ERBB4: variants seen among roughly 807,000 people sequenced by gnomAD.
ERBB4 encodes the protein receptor tyrosine-protein kinase erbB-4.
Under a neutral mutation model 158.0 loss-of-function variants are expected in ERBB4, and 42 were observed. That is an observed-to-expected ratio of 0.27 (90% CI 0.21 to 0.34). ERBB4 has a LOEUF of 0.34. ERBB4 is among the 10% of genes least tolerant of loss of function. The pLI, the probability that ERBB4 is intolerant of heterozygous loss-of-function variation, is 1.00. For synonymous variants in ERBB4, 583 were observed against 558.7 expected, an observed-to-expected ratio of 1.04 and a Z score of -0.61; for missense variants, 1,333 against 1,624.1, an observed-to-expected ratio of 0.82 and a Z score of 3.08.
intron 1 of ERBB4, among the ~76,000 whole-genome samples, chr2:212,171,238 CTA>C (rs1282444299): frequency 1.3e-5 from 2 of 152,060 alleles, no homozygotes; most frequent in African/African-American, 4.8e-5. Flanking sequence ...CCTGTATCCC[CTA>C]TGTTTTGGCC....
chr2:212,248,324 T>C (rs2106038662), intron 1 of ERBB4, among the ~76,000 whole-genome samples: 1 of 152,290 alleles, frequency 6.6e-6, no homozygotes, highest in South Asian at 2.1e-4. Flanking sequence ...GCACCTAATA[T>C]GCCTTTTCCT....
chr2:211,955,443 T>C lies in ERBB4; in HGVS notation c.235-7827A>G, dbSNP rs574522740. 1.0e-3 allele frequency among the ~76,000 whole-genome samples: 158 copies of C among 152,078 alleles called. 1 individual carries two copies. The highest frequency in any genetic ancestry group is 2.0e-3 in the Non-Finnish European group (137 of 68,000). On this transcript the variant is annotated intron_variant, in intron 2 of 27. Coordinates refer to ENST00000342788, the MANE Select transcript of ERBB4 (RefSeq NM_005235.3). ...CCCCTTCAGATCTCTACATTCCCAA[T>C]TGATTCTTCATCTCCTGACCTTATC...
At chr2:211,590,178 G>A (rs2068417014) in intron 19 of ERBB4, among the ~76,000 whole-genome samples, 1 of 151,554 alleles carries the variant, frequency 6.6e-6, no homozygotes, top group South Asian at 2.1e-4. Context: ...AGTGAAAGAG[G>A]TCCAACTTAA....
intron 1 of ERBB4, 58 bp from the exon 2 acceptor site, chr2:212,124,961 G>T (rs1242188291): frequency 2.7e-5 from 43 of 1,571,570 alleles, no homozygotes; most frequent in Non-Finnish European, 3.7e-5. Flanking sequence ...TATGCGCAAT[G>T]ATAATATCTT....
At chr2:212,425,281 CAG>C (rs1341759524) in intron 1 of ERBB4, among the ~76,000 whole-genome samples, 1 of 145,564 alleles carries the variant, frequency 6.9e-6, no homozygotes, top group Non-Finnish European at 1.5e-5. Flanking sequence ...TAATAAATAA[CAG>C]ATATATATTT....
intron 2 of ERBB4, among the ~76,000 whole-genome samples, chr2:211,967,569 C>G (rs1243241881): frequency 6.6e-6 from 1 of 151,914 alleles, no homozygotes; most frequent in East Asian, 1.9e-4. Context: ...AGAATGATGA[C>G]TTTAATAAAA....
intron 1 of ERBB4, among the ~76,000 whole-genome samples, chr2:212,384,717 T>C (rs2090616826): frequency 1.3e-5 from 2 of 151,494 alleles, no homozygotes; most frequent in Non-Finnish European, 3.0e-5. Flanking sequence ...ACAGCATTCA[T>C]TTTCACCATT....
At chr2:212,206,047 G>T (rs1171303834) in intron 1 of ERBB4, among the ~76,000 whole-genome samples, 4 of 152,132 alleles carry the variant, frequency 2.6e-5, no homozygotes, top group African/African-American at 9.7e-5. Flanking sequence ...TAGTGGTTCT[G>T]ATTTCTCATA....
chr2:212,056,619 A>G (rs1014090708), intron 2 of ERBB4, among the ~76,000 whole-genome samples: 1 of 152,202 alleles, frequency 6.6e-6, no homozygotes, highest in Non-Finnish European at 1.5e-5. Context: ...GTGGAGACCA[A>G]TATTCAACAT....
At chr2:212,359,590 C>G (rs1225771905) in intron 1 of ERBB4, among the ~76,000 whole-genome samples, 1 of 151,678 alleles carries the variant, frequency 6.6e-6, no homozygotes, top group Non-Finnish European at 1.5e-5. Context: ...CTTAAGAGTT[C>G]TAGCTGCTGT....
intron 2 of ERBB4, among the ~76,000 whole-genome samples, chr2:212,009,929 T>C (rs959221151): frequency 2.6e-5 from 4 of 152,200 alleles, no homozygotes; most frequent in African/African-American, 7.2e-5. Context: ...CCTTGAGCCA[T>C]ATCTGTATTC....
intron 7 of ERBB4, among the ~76,000 whole-genome samples, chr2:211,718,330 C>A (rs898165221): frequency 6.6e-6 from 1 of 152,222 alleles, no homozygotes; most frequent in Non-Finnish European, 1.5e-5. Context: ...CCACTCTAAT[C>A]CCATGTCCCT....
In ERBB4 at chr2:211,382,714, A is replaced by G. The variant is rs536182808; in HGVS notation, c.*901T>C. 7.2e-4 allele frequency: 168 copies of G among 232,608 alleles called. 1 individual carries two copies. Among genetic ancestry groups the G allele is most frequent in the African/African-American group, 3.5e-3 (158 of 45,428 alleles). 14.4% of individuals were successfully genotyped at this position (232,608 alleles called of 1,614,324 possible). On this transcript the variant is annotated 3_prime_UTR_variant, in exon 28 of 28. Coordinates refer to ENST00000342788, the MANE Select transcript of ERBB4 (RefSeq NM_005235.3). ...AACCAACGGCCTATCAAGTAGTGTC[A>G]TTTATGGAGAAAAAAAAATGTTGAA... is the stretch of plus-strand genomic sequence containing the variant.
intron 1 of ERBB4, among the ~76,000 whole-genome samples, chr2:212,382,973 T>G (rs1375063793): frequency 6.6e-6 from 1 of 151,266 alleles, no homozygotes; most frequent in Admixed American, 6.6e-5. Flanking sequence ...AAGTGGCATT[T>G]TTTTTTCTAC....
At chr2:211,976,937 T>G (rs2081625320) in intron 2 of ERBB4, among the ~76,000 whole-genome samples, 1 of 152,194 alleles carries the variant, frequency 6.6e-6, no homozygotes, top group African/African-American at 2.4e-5. Flanking sequence ...GAAAGTTGCT[T>G]AATTCCACTG....
intron 2 of ERBB4, among the ~76,000 whole-genome samples, chr2:211,956,641 T>C (rs143232019): frequency 6.6e-6 from 1 of 152,202 alleles, no homozygotes; most frequent in Non-Finnish European, 1.5e-5. Flanking sequence ...CATATTATAA[T>C]TAGTGCAATT....
intron 1 of ERBB4, among the ~76,000 whole-genome samples, chr2:212,370,539 AG>A (rs1437017715): frequency 6.6e-6 from 1 of 152,156 alleles, no homozygotes; most frequent in African/African-American, 2.4e-5. Context: ...ATACATTCTT[AG>A]CTACTTTGGG....
intron 4 of ERBB4, among the ~76,000 whole-genome samples, chr2:211,752,286 A>G (rs760646267): frequency 2.0e-4 from 31 of 152,256 alleles, no homozygotes; most frequent in Non-Finnish European, 1.9e-4. Flanking sequence ...TTTGGAGTAC[A>G]AACTTTTTTA....
chr2:211,644,637 C>A (rs1265276354), intron 16 of ERBB4, among the ~76,000 whole-genome samples: 1 of 151,944 alleles, frequency 6.6e-6, no homozygotes, highest in African/African-American at 2.4e-5. Flanking sequence ...CCAATCTGTT[C>A]TTTACTTTTT....
Sources: allele counts gnomAD v4.1 joint callset (sites outside exome capture counted in the v4.1 genomes callset), GRCh38; gene constraint gnomAD v4.1.1; transcripts MANE v1.5; gene names NCBI Gene and HGNC (gene_info 2026-07-23, HGNC 2026-07-21).